The following RBFOX1 variants were observed in gnomAD, a reference collection of about 807,000 sequenced individuals.
RBFOX1 encodes RNA binding fox-1 homolog 1, also known as RNA binding protein fox-1 homolog 1.
A neutral mutation model predicts 57.7 loss-of-function variants in RBFOX1; 8 were observed. That is an observed-to-expected ratio of 0.14 (90% CI 0.08 to 0.25). RBFOX1 has a LOEUF of 0.25. Ranked by LOEUF, RBFOX1 falls within the 10% of genes least tolerant of loss-of-function variation. The pLI, the probability that RBFOX1 is intolerant of heterozygous loss-of-function variation, is 1.00. For synonymous variants in RBFOX1, 326 were observed against 222.4 expected, an observed-to-expected ratio of 1.47 and a Z score of -4.15; for missense variants, 611 against 548.5, an observed-to-expected ratio of 1.11 and a Z score of -1.14.
At chr16:5,754,166 G>T (rs1341684712) in intron 3 of RBFOX1, among the ~76,000 whole-genome samples, 2 of 152,188 alleles carry the variant, frequency 1.3e-5, no homozygotes, top group African/African-American at 4.8e-5. Flanking sequence ...TTTGTTAAAA[G>T]CCGGAATAGT....
intron 2 of RBFOX1, among the ~76,000 whole-genome samples, chr16:5,485,826 A>G (rs1184447066): frequency 1.3e-5 from 2 of 152,190 alleles, no homozygotes; most frequent in African/African-American, 4.8e-5. Flanking sequence ...TGGGACTGAG[A>G]TAGAATCTGT....
chr16:7,241,290 C>G (rs980982742), intron 4 of RBFOX1, among the ~76,000 whole-genome samples: 1 of 152,124 alleles, frequency 6.6e-6, no homozygotes, highest in African/African-American at 2.4e-5. Context: ...TATTCTAATT[C>G]TCTCAGCTTG....
intron 3 of RBFOX1, among the ~76,000 whole-genome samples, chr16:6,813,231 A>T (rs1051258053): frequency 1.3e-5 from 2 of 152,156 alleles, no homozygotes; most frequent in Non-Finnish European, 2.9e-5. Context: ...TGAAATTTAC[A>T]CTTCTCCGGT....
chr16:7,555,243 G>C (rs1389079267), intron 5 of RBFOX1, among the ~76,000 whole-genome samples: 1 of 152,130 alleles, frequency 6.6e-6, no homozygotes, highest in Non-Finnish European at 1.5e-5. Context: ...AAAGCCTTCT[G>C]ATGACTCCCC....
At chr16:5,489,675 G>C (rs1377885501) in intron 2 of RBFOX1, among the ~76,000 whole-genome samples, 1 of 152,212 alleles carries the variant, frequency 6.6e-6, no homozygotes, top group Admixed American at 6.5e-5. Flanking sequence ...CCCAGAGGAA[G>C]GGGTGTGCCC....
intron 10 of RBFOX1, among the ~76,000 whole-genome samples, chr16:7,628,008 T>G (rs2060347418): frequency 6.6e-6 from 1 of 152,096 alleles, no homozygotes; most frequent in Non-Finnish European, 1.5e-5. Context: ...TTAGGAATGC[T>G]TCATTATGCC....
chr16:6,591,400 G>A (rs2153988622), intron 2 of RBFOX1, among the ~76,000 whole-genome samples: 1 of 152,280 alleles, frequency 6.6e-6, no homozygotes, highest in African/African-American at 2.4e-5. Flanking sequence ...ATTGCAGTGA[G>A]CTGAGATTGT....
intron 2 of RBFOX1, among the ~76,000 whole-genome samples, chr16:6,344,407 C>CCTTTTTTTTT (rs2085023975): frequency 9.1e-6 from 1 of 109,846 alleles, no homozygotes; most frequent in Non-Finnish European, 1.7e-5. Context: ...TCTTTTTTTT[C>CCTTTTTTTTT]TTTTTTTTTT....
chr16:6,866,297 G>A (rs1316423230), intron 3 of RBFOX1, among the ~76,000 whole-genome samples: 1 of 151,668 alleles, frequency 6.6e-6, no homozygotes, highest in Non-Finnish European at 1.5e-5. Context: ...TGGCTGATGG[G>A]CTTTAAGTTT....
chr16:7,674,412 T>C (rs1347218992), intron 13 of RBFOX1, among the ~76,000 whole-genome samples: 3 of 152,200 alleles, frequency 2.0e-5, no homozygotes, highest in Non-Finnish European at 4.4e-5. Context: ...GTAGCTACTC[T>C]GTTGGACAGC....
chr16:6,286,370 A>G (rs2076909625), intron 1 of RBFOX1, among the ~76,000 whole-genome samples: 2 of 91,522 alleles, frequency 2.2e-5, no homozygotes, highest in South Asian at 6.3e-4. Context: ...GAGAACTTTT[A>G]AAATCACAGA....
intron 3 of RBFOX1, among the ~76,000 whole-genome samples, chr16:5,858,702 G>T (rs2057133191): frequency 6.6e-6 from 1 of 152,242 alleles, no homozygotes; most frequent in Non-Finnish European, 1.5e-5. Flanking sequence ...AGAATTTTAA[G>T]AGACATTTAT....
intron 3 of RBFOX1, among the ~76,000 whole-genome samples, chr16:7,017,944 G>A (rs534165881): frequency 6.6e-6 from 1 of 152,312 alleles, no homozygotes; most frequent in South Asian, 2.1e-4. Flanking sequence ...TGTCGGCGAC[G>A]TGTGAATTAG....
intron 3 of RBFOX1, among the ~76,000 whole-genome samples, chr16:6,829,390 C>G (rs1212890207): frequency 1.3e-5 from 2 of 149,672 alleles, no homozygotes; most frequent in East Asian, 2.0e-4. Flanking sequence ...CACAGACACA[C>G]ATAGATATAT....
At chr16:6,263,378 C>T (rs1195297768) in intron 1 of RBFOX1, among the ~76,000 whole-genome samples, 2 of 152,068 alleles carry the variant, frequency 1.3e-5, no homozygotes, top group Non-Finnish European at 2.9e-5. Flanking sequence ...TATGTTTTCA[C>T]GGGAGGGTAT....
chr16:5,525,944 C>T (rs943836657), intron 2 of RBFOX1, among the ~76,000 whole-genome samples: 4 of 150,884 alleles, frequency 2.7e-5, no homozygotes, highest in South Asian at 4.2e-4. Context: ...AGCTTCACAT[C>T]ATGTGAAGCT....
At chr16:5,503,947 C>T (rs987205536) in intron 2 of RBFOX1, among the ~76,000 whole-genome samples, 3 of 152,212 alleles carry the variant, frequency 2.0e-5, no homozygotes, top group African/African-American at 7.2e-5. Context: ...TAAATAGCCT[C>T]CTTTCTTCTT....
chr16:7,197,841 T>G (rs1225024144), intron 4 of RBFOX1, among the ~76,000 whole-genome samples: 3 of 152,124 alleles, frequency 2.0e-5, no homozygotes, highest in African/African-American at 7.2e-5. Context: ...TTATTCCATT[T>G]CCGTGAAATA....
intron 1 of RBFOX1, among the ~76,000 whole-genome samples, chr16:6,223,093 T>C (rs1005161643): frequency 1.3e-4 from 20 of 148,468 alleles, no homozygotes; most frequent in South Asian, 4.5e-4. Flanking sequence ...CTTAATCCAG[T>C]CTATCATTGT....
Sources: allele counts gnomAD v4.1 joint callset (sites outside exome capture counted in the v4.1 genomes callset), GRCh38; gene constraint gnomAD v4.1.1; transcripts MANE v1.5; gene names NCBI Gene and HGNC (gene_info 2026-07-23, HGNC 2026-07-21).